Variants in ECM1 observed in about 807,000 individuals in gnomAD.
ECM1 encodes extracellular matrix protein 1.
In ECM1, 54 loss-of-function variants were observed where a neutral mutation model predicts 57.9. The ratio of observed to expected loss-of-function variants is 0.93; its 90% CI spans 0.75 to 1.17. The LOEUF (loss-of-function observed/expected upper bound fraction) is 1.17, where lower values mean the gene tolerates loss of function less well. Among genes scored for constraint, ECM1 ranks in the 50% most tolerant of loss-of-function variants. The pLI, the probability that ECM1 is intolerant of heterozygous loss-of-function variation, is 0.00. For missense variants in ECM1, 649 were observed against 688.1 expected, an observed-to-expected ratio of 0.94 and a Z score of 0.64; for synonymous variants, 237 against 259.1, an observed-to-expected ratio of 0.91 and a Z score of 0.82.
rs1670371111 is a variant in ECM1, at chr1:150,509,409, G to A, written c.71-122G>A. 6 of 1,035,526 alleles carry A rather than the reference G, an allele frequency of 5.8e-6. No individual in the cohort carries two copies. In the Admixed American group the frequency reaches 9.2e-5, roughly 16 times the overall value. The allele number at this position is 1,035,526 out of a possible 1,614,324, so 64.1% of individuals were successfully genotyped here. On this transcript the variant is annotated intron_variant, in intron 1 of 9. Transcript: ENST00000369047. ...AGGGGACACGGGGCAGGTGAATACA[G>A]AGGGGCATCTCGTGTCTTGCTTGTC...
intron 9 of ECM1, 119 bp from the exon 10 acceptor site, chr1:150,513,118 G>A (rs1670488539): frequency 9.2e-7 from 1 of 1,087,298 alleles, no homozygotes; most frequent in Non-Finnish European, 1.4e-6. Context: ...CCCCAGGAGG[G>A]GAACGAGGGA....
rs202156901 is a variant in ECM1, at chr1:150,512,362, C to A, written c.1094C>A (p.Thr365Asn). The stretch of plus-strand genomic sequence containing the variant: ...CTCTCTGGTCCACAGTGGGAGGATA[C>A]CCTTGACAAATACTGTGACCGGGAG... ...HTCTWKAWED[T>N]LDKYCDREYA... The change falls in exon 8 of 10, where the codon ACC becomes AAC. Residue 365 changes from threonine to asparagine, a missense_variant. Thr to Asn is a moderately conservative substitution (Grantham distance 65). Coordinates refer to ENST00000369047, the MANE Select transcript of ECM1 (RefSeq NM_004425.4). 7.4e-5 allele frequency: 119 copies of A among 1,613,002 alleles called. No homozygotes were observed. In the Middle Eastern group the frequency reaches 1.3e-3, roughly 18 times the overall value.
chr1:150,510,106 T>C lies in ECM1; in HGVS notation c.309T>C (p.Gly103=). Residue 103 remains glycine, a synonymous_variant, in exon 5 of 10, where the codon GGT becomes GGC. Coordinates refer to ENST00000369047, the MANE Select transcript of ECM1 (RefSeq NM_004425.4). ...PAQLPAEKEV[G]PPLPQEAVPL... Reference sequence around the variant, plus strand: ...GCCCTCACCCCTATCTTGCAGTGGGTCCCCCTCTCCCTCAGGAAGCTGTCC... The same window carrying C: ...GCCCTCACCCCTATCTTGCAGTGGGCCCCCCTCTCCCTCAGGAAGCTGTCC... The C allele has an allele frequency of 6.2e-7, 1 of 1,613,718 alleles. No individual in the cohort carries two copies. The highest frequency in any genetic ancestry group is 1.3e-5 in the African/African-American group (1 of 74,924).
Position 150,509,080 on chromosome 1 carries a change from G to A in ECM1, c.71-451G>A, listed in dbSNP as rs186784190. 1.4e-4 allele frequency among the ~76,000 whole-genome samples: 22 copies of A among 152,324 alleles called. No individual in the cohort carries two copies. In the South Asian group the frequency reaches 3.9e-3, roughly 27 times the overall value. On this transcript the variant is annotated intron_variant, in intron 1 of 9. Transcript: ENST00000369047. ...CCTCCTTAACCAAAGGCCTAAAGAT[G>A]TTTCAAGGGCCTGGAGTAGGAGGGT...
In ECM1 at chr1:150,513,471, A is replaced by AC; in HGVS notation, c.*8dup. ...CTCTGAGCCCAAGGAAGAATGAGTCACCCCAGAGCCCTAGAGGGTCAGATG... is the reference window on the plus strand; with the variant it reads ...CTCTGAGCCCAAGGAAGAATGAGTCACCCCCAGAGCCCTAGAGGGTCAGATG... On this transcript the variant is annotated 3_prime_UTR_variant, in exon 10 of 10. Coordinates refer to ENST00000369047, the MANE Select transcript of ECM1 (RefSeq NM_004425.4). 3.7e-6 allele frequency: 6 copies of AC among 1,611,806 alleles called. No homozygotes were observed. Among genetic ancestry groups the AC allele is most frequent in the Non-Finnish European group, 5.1e-6 (6 of 1,179,672 alleles).
Position 150,508,234 on chromosome 1 carries a change from T to A in ECM1, c.25T>A (p.Leu9Met), listed in dbSNP as rs772318332. 20 of 1,614,138 alleles carry A rather than the reference T, an allele frequency of 1.2e-5. No individual in the cohort carries two copies. In the Middle Eastern group the frequency reaches 6.6e-4, roughly 53 times the overall value. MGTTARAA[L>M]VLTYLAVASA... is the part of the protein sequence containing the mutation. Reference sequence around the variant, plus strand: ...GATGGGGACCACAGCCAGAGCAGCCTTGGTCTTGACCTATTTGGCTGTTGC... The same window carrying A: ...GATGGGGACCACAGCCAGAGCAGCCATGGTCTTGACCTATTTGGCTGTTGC... Residue 9 changes from leucine (L) to methionine (M), a missense_variant, in exon 1 of 10, where the codon TTG becomes ATG. Leu to Met is a conservative substitution (Grantham distance 15). Coordinates refer to ENST00000369047, the MANE Select transcript of ECM1 (RefSeq NM_004425.4).
At chr1:150,509,891 G>A (rs1305091005) in intron 3 of ECM1, 31 bp from the exon 4 acceptor site, 4 of 1,614,066 alleles carry the variant, frequency 2.5e-6, no homozygotes, top group Admixed American at 1.7e-5. Context: ...AGGAGAAAGG[G>A]TGGGCTGCTC....
At chr1:150,509,395 G>A (rs988805294) in intron 1 of ECM1, 136 bp from the exon 2 acceptor site, 1 of 899,422 alleles carries the variant, frequency 1.1e-6, no homozygotes, top group Non-Finnish European at 1.8e-6. Flanking sequence ...GGGGACACGG[G>A]GCAGGTGAAT....
Position 150,512,553 on chromosome 1 carries a change from C to T in ECM1, c.1285C>T (p.Gln429Ter). Residue 429 changes from glutamine to a stop codon, truncating the protein, a stop_gained, in exon 8 of 10, where the codon CAA (glutamine) becomes TAA (stop). Coordinates refer to ENST00000369047, the MANE Select transcript of ECM1 (RefSeq NM_004425.4). LOFTEE classifies it high-confidence loss of function. ...CCTCATGGGCCACCTCTGTGGAAAC[C>T]AAAGAGTTCTCACCAAGCAGTAAGT... ...PNLMGHLCGN[Q>*]RVLTKHKHIP... is the part of the protein sequence containing the mutation. The T allele has an allele frequency of 1.2e-6, 2 of 1,613,590 alleles. No individual in the cohort carries two copies. Among genetic ancestry groups the T allele is most frequent in the Non-Finnish European group, 1.7e-6 (2 of 1,180,004 alleles).
Position 150,509,646 on chromosome 1 carries a change from C to T in ECM1, c.122-15C>T. ...GAGGCACTGTGGGCTCTGATGTCTC[C>T]CCTCTTGCTTCTAGTTGGCTACGCA... On this transcript the variant is annotated splice_polypyrimidine_tract_variant and intron_variant, in intron 2 of 9. Coordinates refer to ENST00000369047, the MANE Select transcript of ECM1 (RefSeq NM_004425.4). The T allele has an allele frequency of 6.2e-7, 1 of 1,613,754 alleles. No homozygotes were observed. The highest frequency in any genetic ancestry group is 2.2e-5 in the East Asian group (1 of 44,864).
At position 150,513,582 on chromosome 1, in the gene ECM1, G is replaced by A; in HGVS notation, c.*115G>A. ...TTGGTGTCCTCATTGTCTATCTAAT[G>A]TCTCACCCGCAGTGTTTTAAGTGGA... On this transcript the variant is annotated 3_prime_UTR_variant, in exon 10 of 10. Coordinates refer to ENST00000369047, the MANE Select transcript of ECM1 (RefSeq NM_004425.4). The A allele has an allele frequency of 9.7e-7, 1 of 1,026,542 alleles. No homozygotes were observed. Among genetic ancestry groups the A allele is most frequent in the South Asian group, 1.6e-5 (1 of 60,692 alleles). The allele number at this position is 1,026,542 out of a possible 1,614,324, so 63.6% of individuals were successfully genotyped here.
In ECM1 at chr1:150,512,399, G is replaced by A; in HGVS notation, c.1131G>A (p.Lys377=). Residue 377 remains lysine (K), a synonymous_variant, in exon 8 of 10, where the codon AAG becomes AAA. Transcript: ENST00000369047. The part of the protein sequence containing the change: ...DKYCDREYAV[K]THHHLCCRHP... ...ACTGTGACCGGGAGTATGCTGTGAA[G>A]ACCCACCACCACTTGTGTTGCCGCC... is the stretch of plus-strand genomic sequence containing the variant. 1 of 1,613,178 alleles carries A rather than the reference G, an allele frequency of 6.2e-7. No individual in the cohort carries two copies.
At chr1:150,511,427 A>G (rs1429674222) in intron 6 of ECM1, 30 bp from the exon 7 acceptor site, 2 of 1,613,926 alleles carry the variant, frequency 1.2e-6, no homozygotes, top group Non-Finnish European at 1.7e-6. Flanking sequence ...GGAATGTGGA[A>G]AGTGGGCTGA....
In ECM1 at chr1:150,512,231, C is replaced by T. The variant is rs879054880; in HGVS notation, c.1084-121C>T. On this transcript the variant is annotated intron_variant, in intron 7 of 9. Transcript: ENST00000369047. ...CTAACCCTCTACTTTTTTGCCATTC[C>T]CTTTGGGCCTCTCGGGCTGGGAGCC... 84 of 1,145,862 alleles carry T rather than the reference C, an allele frequency of 7.3e-5. 2 individuals are homozygous for T. In the South Asian group the frequency reaches 1.0e-3, roughly 14 times the overall value. 71.0% of individuals were successfully genotyped at this position (1,145,862 alleles called of 1,614,324 possible).
At position 150,513,445 on chromosome 1, in the gene ECM1, C is replaced by A; in HGVS notation, c.1601C>A (p.Thr534Asn). The change falls in exon 10 of 10, where the codon ACC (threonine) becomes AAC (asparagine). Residue 534 changes from threonine (T) to asparagine (N), a missense_variant. Transcript: ENST00000369047. Reference sequence around the variant, plus strand: ...ACTGGAGGAACAAATATCAGCTCCACCTCTGAGCCCAAGGAAGAATGAGTC... The same window carrying A: ...ACTGGAGGAACAAATATCAGCTCCAACTCTGAGCCCAAGGAAGAATGAGTC... ...GSTGGTNISS[T>N]SEPKEE 6.2e-7 allele frequency: 1 copy of A among 1,613,472 alleles called. No homozygotes were observed. The highest frequency in any genetic ancestry group is 8.5e-7 in the Non-Finnish European group (1 of 1,180,000).
At chr1:150,513,112 A>G in intron 9 of ECM1, 125 bp from the exon 10 acceptor site, 1 of 1,026,422 alleles carries the variant, frequency 9.7e-7, no homozygotes. Context: ...TCTGGGCCCC[A>G]GGAGGGGAAC....
chr1:150,511,892 T>G lies in ECM1; in HGVS notation c.1083+61T>G. On this transcript the variant is annotated intron_variant, in intron 7 of 9. Transcript: ENST00000369047. ...TGCCTGCCTGCCCATCTTCGACCTC[T>G]GATCCTGCCAGTCCATCCATCCATG... 2.6e-6 allele frequency: 4 copies of G among 1,547,024 alleles called. No homozygotes were observed. The South Asian group carries it at 5.0e-5, about 19-fold the overall frequency.
chr1:150,513,731 T>C lies in ECM1; in HGVS notation c.*264T>C. Reference sequence around the variant, plus strand: ...CCTGAGGCCCACGGCCCTGCCCCCTTCACTGAGCAGATGTTCACAGGCTGT... The same window carrying C: ...CCTGAGGCCCACGGCCCTGCCCCCTCCACTGAGCAGATGTTCACAGGCTGT... On this transcript the variant is annotated 3_prime_UTR_variant, in exon 10 of 10. Transcript: ENST00000369047. 2.4e-6 allele frequency: 1 copy of C among 425,444 alleles called. No homozygotes were observed. The highest frequency in any genetic ancestry group is 4.3e-6 in the Non-Finnish European group (1 of 230,188). 26.4% of individuals were successfully genotyped at this position (425,444 alleles called of 1,614,324 possible).
At chr1:150,512,280 T>A in intron 7 of ECM1, 72 bp from the exon 8 acceptor site, 1 of 1,546,854 alleles carries the variant, frequency 6.5e-7, no homozygotes, top group Non-Finnish European at 8.9e-7. Flanking sequence ...CCAGGGACGA[T>A]AAGGGAAGTC....
Sources: gnomAD v4.1 joint callset for allele counts (sites outside exome capture counted in the v4.1 genomes callset) on GRCh38, gnomAD v4.1.1 for gene constraint, MANE v1.5 for transcripts, NCBI Gene and HGNC (gene_info 2026-07-23, HGNC 2026-07-21) for gene names.